The following ANO10 variants were observed in gnomAD, a reference collection of about 807,000 sequenced individuals.
ANO10 encodes anoctamin 10, also known as anoctamin-10.
ANO10 carries 77 observed loss-of-function variants against 74.7 expected under a neutral mutation model. The observed-to-expected ratio is 1.03, with a 90% confidence interval of 0.86 to 1.25. The LOEUF is 1.25. ANO10 is among the 50% of genes most tolerant of loss of function. The pLI is 0.00. For missense variants in ANO10, 721 were observed against 778.1 expected (o/e 0.93, Z 0.87); for synonymous variants, 279 against 284.9 (o/e 0.98, Z 0.21).
At chr3:43,471,040 A>G (rs1559581393) in intron 11 of ANO10, among the ~76,000 whole-genome samples, 2 of 152,246 alleles carry the variant, frequency 1.3e-5, no homozygotes, top group Non-Finnish European at 2.9e-5. Context: ...GTTTAATGTT[A>G]CATCATTAAA....
chr3:43,650,494 A>G (rs1363469321), intron 1 of ANO10, among the ~76,000 whole-genome samples: 4 of 152,210 alleles, frequency 2.6e-5, no homozygotes. Flanking sequence ...AAGAAATAAC[A>G]TGCAGTAACC....
At chr3:43,391,041 T>C (rs974841218) in intron 12 of ANO10, among the ~76,000 whole-genome samples, 5 of 152,222 alleles carry the variant, frequency 3.3e-5, no homozygotes, top group Non-Finnish European at 5.9e-5. Flanking sequence ...GATTTACCAA[T>C]GGCTGACATT....
At chr3:43,567,360 C>G (rs1305486311) in intron 7 of ANO10, among the ~76,000 whole-genome samples, 1 of 151,940 alleles carries the variant, frequency 6.6e-6, no homozygotes, top group Non-Finnish European at 1.5e-5. Flanking sequence ...TCGAGAAGAG[C>G]AACTCCAAGA....
chr3:43,679,463 C>T (rs2084165801), intron 1 of ANO10, among the ~76,000 whole-genome samples: 1 of 152,168 alleles, frequency 6.6e-6, no homozygotes, highest in Admixed American at 6.5e-5. Flanking sequence ...TGGGTAGAGC[C>T]CACCACAGCT....
intron 11 of ANO10, among the ~76,000 whole-genome samples, chr3:43,433,036 T>C (rs920124562): frequency 7.2e-6 from 1 of 137,968 alleles, no homozygotes; most frequent in African/African-American, 2.6e-5. Flanking sequence ...CTTGGCTCAC[T>C]GTAACCTCTG....
intron 11 of ANO10, among the ~76,000 whole-genome samples, chr3:43,474,131 T>C (rs2075972374): frequency 6.6e-6 from 1 of 152,212 alleles, no homozygotes; most frequent in Non-Finnish European, 1.5e-5. Flanking sequence ...TGATGATTAT[T>C]GATTTCCACC....
intron 11 of ANO10, among the ~76,000 whole-genome samples, chr3:43,519,679 T>A (rs1292981208): frequency 6.6e-6 from 1 of 152,130 alleles, no homozygotes; most frequent in Non-Finnish European, 1.5e-5. Context: ...ACCATGCTTA[T>A]CCCTTCACTC....
intron 1 of ANO10, among the ~76,000 whole-genome samples, chr3:43,664,172 C>T (rs560797685): frequency 3.3e-5 from 5 of 152,056 alleles, no homozygotes; most frequent in South Asian, 2.1e-4. Flanking sequence ...GGTATTGGTA[C>T]CAAAACAGAT....
chr3:43,487,949 T>C (rs2076562368), intron 11 of ANO10, among the ~76,000 whole-genome samples: 1 of 151,968 alleles, frequency 6.6e-6, no homozygotes, highest in Non-Finnish European at 1.5e-5. Context: ...CAAAACAGCA[T>C]GGTACTGGTA....
chr3:43,523,966 A>T (rs1413245599), intron 11 of ANO10, among the ~76,000 whole-genome samples: 1 of 151,990 alleles, frequency 6.6e-6, no homozygotes, highest in Non-Finnish European at 1.5e-5. Flanking sequence ...TGGAGGTGGA[A>T]GTCATGGGGT....
At chr3:43,590,432 G>C (rs2081679097) in intron 4 of ANO10, among the ~76,000 whole-genome samples, 1 of 152,176 alleles carries the variant, frequency 6.6e-6, no homozygotes, top group African/African-American at 2.4e-5. Flanking sequence ...TAGGAAGCTA[G>C]AGAGGCAAAT....
At chr3:43,530,263 A>G (rs1332502475) in intron 11 of ANO10, among the ~76,000 whole-genome samples, 1 of 152,038 alleles carries the variant, frequency 6.6e-6, no homozygotes, top group Non-Finnish European at 1.5e-5. Context: ...ACAAACTACA[A>G]CAGATGCTTT....
chr3:43,400,157 T>C (rs1331501600), intron 12 of ANO10, among the ~76,000 whole-genome samples: 1 of 152,176 alleles, frequency 6.6e-6, no homozygotes, highest in African/African-American at 2.4e-5. Flanking sequence ...CCAACATTTT[T>C]AATAGATGTA....
In ANO10 at chr3:43,576,692, C is replaced by A. The variant is rs1227045054; in HGVS notation, c.1162G>T (p.Glu388Ter). The change falls in exon 6 of 13, where the codon GAG becomes TAG. Residue 388 changes from glutamate to a stop codon, truncating the protein, a stop_gained and splice_region_variant. Transcript: ENST00000292246. LOFTEE classifies it high-confidence loss of function. The stretch of plus-strand genomic sequence containing the variant: ...GTGAATATAAAGCCTCAAGTCTTAC[C>A]CCATGAAGTTAAAAACTCGGCAGCA... ...RYAAEFLTSW[E>*]NHRLESAYQN... is the part of the protein sequence containing the mutation. 1 of 1,613,900 alleles carries A rather than the reference C, an allele frequency of 6.2e-7. No homozygotes were observed. Among genetic ancestry groups the A allele is most frequent in the East Asian group, 2.2e-5 (1 of 44,870 alleles).
intron 1 of ANO10, among the ~76,000 whole-genome samples, chr3:43,628,654 C>T (rs1025197995): frequency 2.6e-5 from 4 of 152,146 alleles, no homozygotes; most frequent in Non-Finnish European, 5.9e-5. Flanking sequence ...AATTCTTTTT[C>T]TCAGCAAGAA....
chr3:43,532,244 G>A (rs2078503920), intron 11 of ANO10, among the ~76,000 whole-genome samples: 1 of 152,206 alleles, frequency 6.6e-6, no homozygotes, highest in African/African-American at 2.4e-5. Context: ...AATTGCAAAT[G>A]CTATGCCTTC....
chr3:43,503,524 T>C (rs1397469166), intron 11 of ANO10, among the ~76,000 whole-genome samples: 2 of 152,166 alleles, frequency 1.3e-5, no homozygotes, highest in Non-Finnish European at 2.9e-5. Context: ...ATCAGAAGCT[T>C]AAGCAGCCAT....
At chr3:43,664,021 G>GAA (rs2149574261) in intron 1 of ANO10, among the ~76,000 whole-genome samples, 1 of 152,122 alleles carries the variant, frequency 6.6e-6, no homozygotes, top group East Asian at 1.9e-4. Flanking sequence ...CAAAGAATTG[G>GAA]AAAAACTACT....
intron 12 of ANO10, among the ~76,000 whole-genome samples, chr3:43,402,868 G>C (rs538616225): frequency 6.6e-6 from 1 of 152,274 alleles, no homozygotes; most frequent in South Asian, 2.1e-4. Flanking sequence ...AGATTACCAA[G>C]ACCGTACCAT....
Sources: gnomAD v4.1 joint callset for allele counts (sites outside exome capture counted in the v4.1 genomes callset) on GRCh38, gnomAD v4.1.1 for gene constraint, MANE v1.5 for transcripts, NCBI Gene and HGNC (gene_info 2026-07-23, HGNC 2026-07-21) for gene names.